DHRS7B: variants seen among roughly 807,000 people sequenced by gnomAD.
DHRS7B encodes dehydrogenase/reductase 7B.
In DHRS7B, 24 loss-of-function variants were observed where a neutral mutation model predicts 26.4. The ratio of observed to expected loss-of-function variants is 0.91; its 90% confidence interval spans 0.66 to 1.28. The LOEUF is 1.28. DHRS7B is among the 50% of genes most tolerant of loss of function. The pLI is 0.00. For synonymous variants in DHRS7B, 142 were observed against 166.4 expected (o/e 0.85, Z 1.13); for missense variants, 368 against 419.4 (o/e 0.88, Z 1.07).
At chr17:21,190,818 T>C (rs1264805445) in intron 6 of DHRS7B, 130 bp from the exon 7 acceptor site, 9 of 895,194 alleles carry the variant, frequency 1.0e-5, no homozygotes, top group African/African-American at 1.7e-5. Flanking sequence ...CACCACTGGC[T>C]TCCTGGCCCT....
intron 1 of DHRS7B, among the ~76,000 whole-genome samples, chr17:21,154,204 G>A (rs1973831770): frequency 6.6e-6 from 1 of 152,096 alleles, no homozygotes. Context: ...CAGCTACTCT[G>A]GAGGCTGAGG....
chr17:21,153,834 G>T (rs990353189), intron 1 of DHRS7B, among the ~76,000 whole-genome samples: 5 of 152,078 alleles, frequency 3.3e-5, no homozygotes, highest in African/African-American at 1.2e-4. Context: ...TATTGGATTG[G>T]GGATACAGTT....
At chr17:21,175,395 C>T (rs1974353583) in intron 2 of DHRS7B, among the ~76,000 whole-genome samples, 1 of 152,232 alleles carries the variant, frequency 6.6e-6, no homozygotes, top group Non-Finnish European at 1.5e-5. Context: ...GATCCTCTGA[C>T]CCTGCAGTAT....
chr17:21,176,969 G>A (rs1051629133), intron 2 of DHRS7B, among the ~76,000 whole-genome samples: 5 of 151,994 alleles, frequency 3.3e-5, no homozygotes, highest in Admixed American at 6.5e-5. Flanking sequence ...AAGCAACGAC[G>A]CCACCCTCTG....
At position 21,180,794 on chromosome 17, in the gene DHRS7B, G is replaced by C. The variant is rs150078127; in HGVS notation, c.309+2452G>C. Reference sequence around the variant, plus strand: ...GTCCTCCATCTGTCCTTTTTCAGGAGTGTTTTGGCTATTCAAGGCCCATTG... The same window carrying C: ...GTCCTCCATCTGTCCTTTTTCAGGACTGTTTTGGCTATTCAAGGCCCATTG... On this transcript the variant is annotated intron_variant, in intron 3 of 6. Transcript: ENST00000395511. 1.7e-3 allele frequency among the ~76,000 whole-genome samples: 259 copies of C among 152,330 alleles called. 2 individuals carry two copies. The highest frequency in any genetic ancestry group is 6.1e-3 in the African/African-American group (253 of 41,582).
At chr17:21,130,888 GA>G (rs747680900) in intron 1 of DHRS7B, among the ~76,000 whole-genome samples, 60 of 152,302 alleles carry the variant, frequency 3.9e-4, no homozygotes, top group Non-Finnish European at 7.1e-4. Context: ...GCATGAGGGT[GA>G]AAATTGGGAT....
chr17:21,173,032 C>T (rs1974296258), intron 2 of DHRS7B, among the ~76,000 whole-genome samples: 1 of 152,240 alleles, frequency 6.6e-6, no homozygotes, highest in Admixed American at 6.5e-5. Flanking sequence ...GGTGACCCCA[C>T]CCGCTGCTAC....
At chr17:21,188,890 A>G (rs766684838) in intron 6 of DHRS7B, 27 bp downstream of exon 6, 12 of 1,613,714 alleles carry the variant, frequency 7.4e-6, no homozygotes, top group Admixed American at 5.0e-5. Context: ...CTTTTCTCCT[A>G]TGAAAATCTG....
chr17:21,156,383 A>G (rs1973878650), intron 1 of DHRS7B, among the ~76,000 whole-genome samples: 1 of 152,048 alleles, frequency 6.6e-6, no homozygotes, highest in Non-Finnish European at 1.5e-5. Flanking sequence ...AGGCAGGTGG[A>G]TTACCTAAGA....
intron 1 of DHRS7B, among the ~76,000 whole-genome samples, chr17:21,159,361 C>T (rs902924678): frequency 2.6e-4 from 40 of 151,682 alleles, no homozygotes; most frequent in African/African-American, 9.2e-4. Context: ...GATTCTCCTG[C>T]CTCAGCCTCC....
At chr17:21,127,157 C>G (rs1370425738) in intron 1 of DHRS7B, 166 bp downstream of exon 1, 1 of 689,966 alleles carries the variant, frequency 1.4e-6, no homozygotes, top group African/African-American at 1.9e-5. Flanking sequence ...TGAAGGAAGA[C>G]TCAGCCCAGG....
chr17:21,133,508 C>T lies in DHRS7B; in HGVS notation c.20+6517C>T, dbSNP rs76489343. On this transcript the variant is annotated intron_variant, in intron 1 of 6. Coordinates refer to ENST00000395511, the MANE Select transcript of DHRS7B (RefSeq NM_015510.5). ...TGATGAGACTTCCAAAGGAGGCAAT[C>T]GGAATATGCATCTATCTCTGTGAGC... Among the ~76,000 whole-genome samples, 139 of 152,288 alleles carry T rather than the reference C, an allele frequency of 9.1e-4. 2 individuals are homozygous for T. The East Asian group carries it at 0.024, about 27-fold the overall frequency.
At chr17:21,143,683 G>C (rs1973577739) in intron 1 of DHRS7B, among the ~76,000 whole-genome samples, 1 of 152,136 alleles carries the variant, frequency 6.6e-6, no homozygotes, top group Non-Finnish European at 1.5e-5. Context: ...TACAAATTAT[G>C]ATAGTAAAAT....
chr17:21,149,810 A>G (rs1306133974), intron 1 of DHRS7B, among the ~76,000 whole-genome samples: 1 of 152,192 alleles, frequency 6.6e-6, no homozygotes, highest in Non-Finnish European at 1.5e-5. Context: ...AAAACATTCT[A>G]CCAGAGAAAA....
chr17:21,145,063 G>T (rs1973611529), intron 1 of DHRS7B, among the ~76,000 whole-genome samples: 2 of 152,056 alleles, frequency 1.3e-5, no homozygotes, highest in South Asian at 4.1e-4. Context: ...GGTGGCTCAT[G>T]CTTGTAATCC....
At chr17:21,175,186 A>G (rs1447402036) in intron 2 of DHRS7B, among the ~76,000 whole-genome samples, 3 of 152,332 alleles carry the variant, frequency 2.0e-5, no homozygotes, top group Non-Finnish European at 4.4e-5. Flanking sequence ...GAGGCTTCAC[A>G]CCATGAGACA....
chr17:21,178,387 C>T (rs1263749515), intron 3 of DHRS7B, 45 bp downstream of exon 3: 1 of 1,505,794 alleles, frequency 6.6e-7, no homozygotes, highest in Admixed American at 1.7e-5. Flanking sequence ...TGCAGGCCGT[C>T]TTCTGTAGGC....
At chr17:21,148,326 G>A (rs1567619126) in intron 1 of DHRS7B, among the ~76,000 whole-genome samples, 1 of 152,102 alleles carries the variant, frequency 6.6e-6, no homozygotes, top group South Asian at 2.1e-4. Context: ...AGAAACTTAA[G>A]ATATTGAAAT....
intron 1 of DHRS7B, among the ~76,000 whole-genome samples, chr17:21,153,698 C>A (rs1303531471): frequency 6.6e-6 from 1 of 152,024 alleles, no homozygotes; most frequent in Non-Finnish European, 1.5e-5. Context: ...AAGGTGCCAT[C>A]TAAGTGTCCT....
Sources: gnomAD v4.1 joint callset for allele counts (sites outside exome capture counted in the v4.1 genomes callset) on GRCh38, gnomAD v4.1.1 for gene constraint, MANE v1.5 for transcripts, NCBI Gene and HGNC (gene_info 2026-07-23, HGNC 2026-07-21) for gene names.